The following KCNH1 variants were observed in gnomAD, a reference collection of about 807,000 sequenced individuals.
The protein encoded by KCNH1 is potassium voltage-gated channel subfamily H member 1.
In KCNH1, 27 loss-of-function variants were observed where a neutral mutation model predicts 69.2. The observed-to-expected ratio is 0.39, with a 90% CI of 0.29 to 0.54. KCNH1 has a LOEUF of 0.54. KCNH1 is among the 20% of genes least tolerant of loss of function. KCNH1 has a pLI of 0.68. For missense variants in KCNH1, 798 were observed against 1,261.6 expected, an observed-to-expected ratio of 0.63 and a Z score of 5.57; for synonymous variants, 456 against 487.7, an observed-to-expected ratio of 0.93 and a Z score of 0.86.
intron 6 of KCNH1, among the ~76,000 whole-genome samples, chr1:210,940,196 G>A (rs1265165539): frequency 6.6e-6 from 1 of 151,914 alleles, no homozygotes; most frequent in South Asian, 2.1e-4. Flanking sequence ...AATTCAATTC[G>A]GCAATCATTT....
At position 211,019,053 on chromosome 1, in the gene KCNH1, A is replaced by G. The variant is rs1217110537; in HGVS notation, c.762T>C (p.Asp254=). Reference sequence around the variant, plus strand: ...CCAAAAAGATAACATCCACGATGCTATCAACAACCAGCCAGGCCACATTAT... The same window carrying G: ...CCAAAAAGATAACATCCACGATGCTGTCAACAACCAGCCAGGCCACATTAT... ...RQNNVAWLVV[D]SIVDVIFLVD... The change falls in exon 6 of 11, where the codon GAT becomes GAC. Residue 254 remains aspartate (D), a synonymous_variant. Coordinates refer to ENST00000271751, the MANE Select transcript of KCNH1 (RefSeq NM_172362.3). 2 of 1,614,102 alleles carry G rather than the reference A, an allele frequency of 1.2e-6. No individual in the cohort carries two copies. The highest frequency in any genetic ancestry group is 2.2e-5 in the South Asian group (2 of 91,090).
At chr1:210,939,550 C>A (rs531739097) in intron 6 of KCNH1, among the ~76,000 whole-genome samples, 128 of 152,258 alleles carry the variant, frequency 8.4e-4, no homozygotes, top group Non-Finnish European at 1.5e-3. Flanking sequence ...GGCTGACAGG[C>A]TTTTGAGGTC....
chr1:210,800,512 T>C (rs1167251581), intron 8 of KCNH1, among the ~76,000 whole-genome samples: 1 of 152,216 alleles, frequency 6.6e-6, no homozygotes, highest in Non-Finnish European at 1.5e-5. Flanking sequence ...TCATGCGCAC[T>C]GTTCCCAGAG....
chr1:210,952,527 T>C (rs1688084005), intron 6 of KCNH1, among the ~76,000 whole-genome samples: 1 of 152,142 alleles, frequency 6.6e-6, no homozygotes, highest in Non-Finnish European at 1.5e-5. Flanking sequence ...CAGGAGAACA[T>C]ACAGAGCTCT....
intron 7 of KCNH1, among the ~76,000 whole-genome samples, chr1:210,845,428 G>A (rs1195897076): frequency 3.3e-5 from 5 of 151,996 alleles, no homozygotes; most frequent in African/African-American, 4.8e-5. Flanking sequence ...TTAAACATAC[G>A]CAAATCAATA....
chr1:211,059,778 A>C (rs1690396363), intron 5 of KCNH1, among the ~76,000 whole-genome samples: 1 of 151,868 alleles, frequency 6.6e-6, no homozygotes, highest in Non-Finnish European at 1.5e-5. Flanking sequence ...AGAGAGAGAG[A>C]TTCCCAATAC....
chr1:210,693,419 C>A (rs532155278), intron 10 of KCNH1, among the ~76,000 whole-genome samples: 3 of 152,228 alleles, frequency 2.0e-5, no homozygotes, highest in East Asian at 1.9e-4. Context: ...ATAATCAGGC[C>A]GGTAGGAATC....
chr1:210,811,031 TTGC>T (rs1684691428), intron 7 of KCNH1, among the ~76,000 whole-genome samples: 1 of 152,198 alleles, frequency 6.6e-6, no homozygotes, highest in African/African-American at 2.4e-5. Context: ...AAGACTCAAT[TTGC>T]TGTCAAGAAT....
intron 7 of KCNH1, among the ~76,000 whole-genome samples, chr1:210,840,746 G>T (rs1010818861): frequency 6.6e-6 from 1 of 152,112 alleles, no homozygotes; most frequent in African/African-American, 2.4e-5. Flanking sequence ...GCTTTCTGTG[G>T]AAGTTATCAT....
intron 7 of KCNH1, among the ~76,000 whole-genome samples, chr1:210,836,133 A>AAAAT (rs34799932): frequency 4.7e-5 from 7 of 148,972 alleles, no homozygotes; most frequent in South Asian, 2.1e-4. Context: ...AAAAAAAAAA[A>AAAAT]TTTCTATATT....
chr1:211,077,030 T>C (rs115998994), intron 5 of KCNH1, among the ~76,000 whole-genome samples: 2,409 of 151,990 alleles, frequency 0.016, 52 homozygotes, highest in African/African-American at 0.054. Context: ...ATCAAATTAA[T>C]AAAATAAAGT....
At chr1:211,087,606 TACACACACACAC>T (rs59377189) in intron 4 of KCNH1, among the ~76,000 whole-genome samples, 8 of 142,684 alleles carry the variant, frequency 5.6e-5, no homozygotes, top group South Asian at 2.3e-4. Flanking sequence ...CCTTTAAGCA[TACACACACACAC>T]ACACACACAC....
chr1:210,799,415 A>C (rs1684386475), intron 8 of KCNH1, among the ~76,000 whole-genome samples: 1 of 152,194 alleles, frequency 6.6e-6, no homozygotes, highest in Non-Finnish European at 1.5e-5. Flanking sequence ...TATTATCAAC[A>C]TCTCAGCAGC....
At chr1:210,735,062 G>C (rs1356261620) in intron 10 of KCNH1, among the ~76,000 whole-genome samples, 1 of 152,094 alleles carries the variant, frequency 6.6e-6, no homozygotes, top group Non-Finnish European at 1.5e-5. Flanking sequence ...GTCTTGGATG[G>C]TTTAGAATGC....
chr1:211,065,952 G>C (rs1176888201), intron 5 of KCNH1, among the ~76,000 whole-genome samples: 1 of 151,986 alleles, frequency 6.6e-6, no homozygotes, highest in African/African-American at 2.4e-5. Flanking sequence ...CCACCTACTT[G>C]GGAGGCTGAG....
chr1:210,879,768 G>A (rs1686456860), intron 7 of KCNH1, among the ~76,000 whole-genome samples: 1 of 151,862 alleles, frequency 6.6e-6, no homozygotes, highest in African/African-American at 2.4e-5. Context: ...AATAAGATAA[G>A]GAAATACAAG....
At chr1:211,116,489 T>C (rs1691585149) in intron 1 of KCNH1, among the ~76,000 whole-genome samples, 1 of 152,172 alleles carries the variant, frequency 6.6e-6, no homozygotes, top group Non-Finnish European at 1.5e-5. Flanking sequence ...TACTTACCTT[T>C]CCACACCTGG....
At chr1:210,732,746 C>T (rs946222715) in intron 10 of KCNH1, among the ~76,000 whole-genome samples, 4 of 152,234 alleles carry the variant, frequency 2.6e-5, no homozygotes, top group African/African-American at 4.8e-5. Context: ...ACAGACAGCA[C>T]GTTCCTCACA....
intron 5 of KCNH1, among the ~76,000 whole-genome samples, chr1:211,062,179 C>T (rs1403603160): frequency 6.6e-6 from 1 of 152,056 alleles, no homozygotes; most frequent in African/African-American, 2.4e-5. Flanking sequence ...AGAGTGAACT[C>T]ATTTTTGACA....
Sources: gnomAD v4.1 joint callset for allele counts (sites outside exome capture counted in the v4.1 genomes callset) on GRCh38, gnomAD v4.1.1 for gene constraint, MANE v1.5 for transcripts, NCBI Gene and HGNC (gene_info 2026-07-23, HGNC 2026-07-21) for gene names.